TMEM132B: variants seen among roughly 807,000 people sequenced by gnomAD.
TMEM132B encodes the protein transmembrane protein 132B.
A neutral mutation model predicts 90.8 loss-of-function variants in TMEM132B; 18 were observed. The ratio of observed to expected loss-of-function variants is 0.20; its 90% CI spans 0.14 to 0.29. The LOEUF is 0.29. TMEM132B is among the 10% of genes least tolerant of loss of function. The pLI is 1.00. For missense variants in TMEM132B, 1,096 were observed against 1,326.8 expected, an observed-to-expected ratio of 0.83 and a Z score of 2.70; for synonymous variants, 504 against 523.3, an observed-to-expected ratio of 0.96 and a Z score of 0.50.
At chr12:125,322,617 C>G (rs1181486870) in intron 1 of TMEM132B, among the ~76,000 whole-genome samples, 1 of 152,168 alleles carries the variant, frequency 6.6e-6, no homozygotes, top group Admixed American at 6.5e-5. Flanking sequence ...TGTAGCTAAA[C>G]TCATCAAACC....
intron 1 of TMEM132B, among the ~76,000 whole-genome samples, chr12:125,256,401 C>T (rs1311510021): frequency 2.0e-5 from 3 of 152,146 alleles, no homozygotes; most frequent in African/African-American, 7.2e-5. Flanking sequence ...TTGGTGCTTG[C>T]GTTGGAAGGC....
intron 3 of TMEM132B, among the ~76,000 whole-genome samples, chr12:125,467,095 G>A (rs368913723): frequency 1.3e-5 from 2 of 152,156 alleles, no homozygotes; most frequent in East Asian, 1.9e-4. Context: ...GTACTGCTGG[G>A]GAGAAGAACT....
intron 3 of TMEM132B, among the ~76,000 whole-genome samples, chr12:125,468,160 T>C (rs1320263866): frequency 6.6e-6 from 1 of 152,194 alleles, no homozygotes. Flanking sequence ...GGTAACTCTA[T>C]GTTTAACTTT....
chr12:125,377,605 G>T (rs1016528822), intron 2 of TMEM132B, among the ~76,000 whole-genome samples: 1 of 152,114 alleles, frequency 6.6e-6, no homozygotes, highest in East Asian at 1.9e-4. Context: ...TCAGAACAGG[G>T]CCTGGCTCAG....
intron 1 of TMEM132B, among the ~76,000 whole-genome samples, chr12:125,294,963 G>T (rs552529185): frequency 3.9e-5 from 6 of 152,198 alleles, no homozygotes; most frequent in Non-Finnish European, 8.8e-5. Context: ...GAAAAATGCA[G>T]GAAGCATGTA....
chr12:125,474,291 C>T (rs1378977519), intron 3 of TMEM132B, among the ~76,000 whole-genome samples: 9 of 138,828 alleles, frequency 6.5e-5, no homozygotes, highest in Non-Finnish European at 1.4e-4. Context: ...CCTCCCCTTC[C>T]CTTCCCTCTT....
At position 125,396,654 on chromosome 12, in the gene TMEM132B, G is replaced by A. The variant is rs193262962; in HGVS notation, c.960-18877G>A. 1.5e-3 allele frequency among the ~76,000 whole-genome samples: 233 copies of A among 151,866 alleles called. 4 individuals carry two copies. The highest frequency in any genetic ancestry group is 0.015 in the Admixed American group (231 of 15,268). ...CTGAGGTAGCTGGGACTGCAGGCAC[G>A]TGCCACCACACTTAGCTAATTTTCA... On this transcript the variant is annotated intron_variant, in intron 2 of 8. Transcript: ENST00000682704.
In TMEM132B at chr12:125,408,190, T is replaced by G. The variant is rs947646250; in HGVS notation, c.960-7341T>G. Among the ~76,000 whole-genome samples the G allele has an allele frequency of 6.6e-5, 10 of 152,214 alleles. No homozygotes were observed. Among genetic ancestry groups the G allele is most frequent in the Admixed American group, 1.3e-4 (2 of 15,288 alleles). On this transcript the variant is annotated intron_variant, in intron 2 of 8. Transcript: ENST00000682704. The surrounding 1 kb of genome is among the most constrained non-coding windows in gnomAD (Gnocchi z 5.9). Reference sequence around the variant, plus strand: ...TATTTGGAGGGTCGCTGTGTTGTTGTGTGGTGATAGGCTGCTTCCTCGTTA... The same window carrying G: ...TATTTGGAGGGTCGCTGTGTTGTTGGGTGGTGATAGGCTGCTTCCTCGTTA...
At chr12:125,294,186 C>G (rs540680930) in intron 1 of TMEM132B, among the ~76,000 whole-genome samples, 1 of 152,388 alleles carries the variant, frequency 6.6e-6, no homozygotes, top group Non-Finnish European at 1.5e-5. Context: ...TTCCCATTTC[C>G]AAGCTCCTGT....
rs1877487029 is a variant in TMEM132B, at chr12:125,349,585, G to C, written c.201G>C (p.Arg67Ser). 1.2e-6 allele frequency: 2 copies of C among 1,614,044 alleles called. No individual in the cohort carries two copies. Among genetic ancestry groups the C allele is most frequent in the Non-Finnish European group, 1.7e-6 (2 of 1,180,016 alleles). The change falls in exon 2 of 9, where the codon AGG (arginine) becomes AGC (serine). Residue 67 changes from arginine to serine, a missense_variant. By Grantham distance (110) the Arg-to-Ser change is moderately radical. Coordinates refer to ENST00000682704, the MANE Select transcript of TMEM132B (RefSeq NM_001366854.1). The surrounding 1 kb of genome is among the most constrained non-coding windows in gnomAD (Gnocchi z 4.1). ...FLKEANQDLT[R>S]NSSLQARVEP... ...AAGAAGCCAACCAAGACCTCACAAG[G>C]AACTCCAGTCTGCAGGCCCGGGTGG...
At chr12:125,605,578 T>TTTTTCA (rs1269958327) in intron 5 of TMEM132B, among the ~76,000 whole-genome samples, 1 of 152,212 alleles carries the variant, frequency 6.6e-6, no homozygotes, top group East Asian at 1.9e-4. Context: ...GAATTCCCTA[T>TTTTTCA]ATTAGTATGA....
intron 1 of TMEM132B, among the ~76,000 whole-genome samples, chr12:125,257,582 T>C (rs1302745078): frequency 6.6e-6 from 1 of 152,128 alleles, no homozygotes; most frequent in Non-Finnish European, 1.5e-5. Flanking sequence ...TAAACCTCCT[T>C]TCCACCAGGA....
intron 1 of TMEM132B, among the ~76,000 whole-genome samples, chr12:125,259,366 C>A (rs1874509465): frequency 6.6e-6 from 1 of 152,206 alleles, no homozygotes; most frequent in South Asian, 2.1e-4. Context: ...TACCTCTTAG[C>A]CACACAGGGC....
intron 1 of TMEM132B, among the ~76,000 whole-genome samples, chr12:125,339,983 CAT>C (rs1877124619): frequency 6.6e-6 from 1 of 152,178 alleles, no homozygotes; most frequent in South Asian, 2.1e-4. Context: ...ACAATGTATT[CAT>C]ATGAGTGTAG....
At chr12:125,489,068 T>C (rs1882283804) in intron 3 of TMEM132B, among the ~76,000 whole-genome samples, 1 of 152,218 alleles carries the variant, frequency 6.6e-6, no homozygotes, top group African/African-American at 2.4e-5. Context: ...CTGAGAGGCT[T>C]TTTCCCTAAA....
chr12:125,651,613 A>C (rs1378507419), intron 7 of TMEM132B, among the ~76,000 whole-genome samples: 2 of 152,352 alleles, frequency 1.3e-5, no homozygotes, highest in East Asian at 3.9e-4. Flanking sequence ...CTTGTGTGAC[A>C]AATTACCACA....
In TMEM132B at chr12:125,576,825, T is replaced by A. The variant is rs7310056; in HGVS notation, c.1294-7026T>A. Among the ~76,000 whole-genome samples the A allele has an allele frequency of 5.5e-3, 837 of 152,114 alleles. 8 individuals are homozygous for A. The highest frequency in any genetic ancestry group is 0.019 in the African/African-American group (784 of 41,554). The stretch of plus-strand genomic sequence containing the variant: ...GCATCCCTGGGATAATTCCCACTTG[T>A]TATGGTGTTTAGTCCTTTAAAAAAA... On this transcript the variant is annotated intron_variant, in intron 4 of 8. Coordinates refer to ENST00000682704, the MANE Select transcript of TMEM132B (RefSeq NM_001366854.1).
In TMEM132B at chr12:125,307,824, GTATA is replaced by G. The variant is rs1593078060; in HGVS notation, c.68-41623_68-41620del. On this transcript the variant is annotated intron_variant, in intron 1 of 8. Coordinates refer to ENST00000682704, the MANE Select transcript of TMEM132B (RefSeq NM_001366854.1). ...GTATATATACTTATAATACTTATAAGTATATATACTTATATTAATATATACTTAT... is the reference window on the plus strand; with the variant it reads ...GTATATATACTTATAATACTTATAAGTATACTTATATTAATATATACTTAT... Among the ~76,000 whole-genome samples the G allele has an allele frequency of 2.2e-4, 3 of 13,858 alleles. 1 individual carries two copies. The East Asian group carries it at 0.015, about 71-fold the overall frequency. 9.1% of individuals were successfully genotyped at this position (13,858 alleles called of 152,430 possible).
At chr12:125,643,831 T>A (rs2137028707) in intron 5 of TMEM132B, among the ~76,000 whole-genome samples, 1 of 152,280 alleles carries the variant, frequency 6.6e-6, no homozygotes, top group Non-Finnish European at 1.5e-5. Flanking sequence ...TATAACTCCA[T>A]TAAATTATGT....
Sources: allele counts gnomAD v4.1 joint callset (sites outside exome capture counted in the v4.1 genomes callset), GRCh38; gene constraint gnomAD v4.1.1; non-coding constraint Gnocchi (gnomAD v3.1); transcripts MANE v1.5; gene names NCBI Gene and HGNC (gene_info 2026-07-23, HGNC 2026-07-21).